The following PRELID2 variants were observed in gnomAD, a reference collection of about 807,000 sequenced individuals.
PRELID2 encodes PRELI domain containing 2.
A neutral mutation model predicts 28.4 loss-of-function variants in PRELID2; 25 were observed. That is an observed-to-expected ratio of 0.88 (90% CI 0.64 to 1.23). PRELID2 has a LOEUF of 1.23. Ranked by LOEUF, PRELID2 falls within the 50% of genes most tolerant of loss-of-function variation. PRELID2 has a pLI of 0.00. For synonymous variants in PRELID2, 76 were observed against 71.6 expected (o/e 1.06, Z -0.31); for missense variants, 201 against 214.4 (o/e 0.94, Z 0.39).
chr5:145,353,972 G>T, the PRELID2 span, among the ~76,000 whole-genome samples: 1 of 152,254 alleles, frequency 6.6e-6, no homozygotes, highest in East Asian at 1.9e-4. Flanking sequence ...TAACATCTGT[G>T]CTTCTTCTCT....
chr5:145,462,644 T>C, the PRELID2 span, among the ~76,000 whole-genome samples: 1 of 152,240 alleles, frequency 6.6e-6, no homozygotes, highest in African/African-American at 2.4e-5. Flanking sequence ...CAGGTTGGCT[T>C]TGGCCATTGG....
intron 1 of PRELID2, among the ~76,000 whole-genome samples, chr5:145,719,045 T>C (rs747489916): frequency 3.3e-5 from 5 of 151,964 alleles, no homozygotes; most frequent in African/African-American, 7.2e-5. Context: ...ATGATGGCCA[T>C]CTAAATCTGA....
At chr5:145,287,274 A>T in the PRELID2 span, among the ~76,000 whole-genome samples, 1 of 152,060 alleles carries the variant, frequency 6.6e-6, no homozygotes, top group Non-Finnish European at 1.5e-5. Flanking sequence ...ACAGTAAGAG[A>T]TTACAATAAT....
At chr5:145,607,935 G>C (rs1002403283) in intron 1 of PRELID2, among the ~76,000 whole-genome samples, 5 of 151,988 alleles carry the variant, frequency 3.3e-5, no homozygotes, top group African/African-American at 1.2e-4. Context: ...CCCTGTATTG[G>C]GTGCATATGT....
the PRELID2 span, among the ~76,000 whole-genome samples, chr5:145,234,067 T>C: frequency 6.6e-6 from 1 of 152,182 alleles, no homozygotes; most frequent in Non-Finnish European, 1.5e-5. Context: ...TATTCTTAAT[T>C]TGTTGTCAGT....
chr5:145,688,720 G>A (rs1755085844), intron 1 of PRELID2, among the ~76,000 whole-genome samples: 1 of 152,208 alleles, frequency 6.6e-6, no homozygotes, highest in Non-Finnish European at 1.5e-5. Context: ...AGAACTTAAG[G>A]AAGACCCATG....
At chr5:145,650,985 G>T (rs1350310780) in intron 1 of PRELID2, among the ~76,000 whole-genome samples, 3 of 152,162 alleles carry the variant, frequency 2.0e-5, no homozygotes, top group African/African-American at 7.2e-5. Flanking sequence ...AAGCACAAAG[G>T]GTCAGGGAAT....
the PRELID2 span, among the ~76,000 whole-genome samples, chr5:145,294,084 G>T: frequency 6.6e-6 from 1 of 152,046 alleles, no homozygotes; most frequent in Non-Finnish European, 1.5e-5. Context: ...TAAAGATTTT[G>T]TCCCAAGAGC....
chr5:145,548,659 T>C (rs749807225), intron 1 of PRELID2, among the ~76,000 whole-genome samples: 9 of 152,124 alleles, frequency 5.9e-5, no homozygotes, highest in Non-Finnish European at 1.3e-4. Context: ...CCTTGTGGTG[T>C]CTACCCAGGC....
At chr5:145,310,853 C>T in the PRELID2 span, among the ~76,000 whole-genome samples, 1 of 151,906 alleles carries the variant, frequency 6.6e-6, no homozygotes, top group Non-Finnish European at 1.5e-5. Flanking sequence ...TTTCTTTCAT[C>T]TCCCTTTTTT....
intron 4 of PRELID2, among the ~76,000 whole-genome samples, chr5:145,807,943 T>A (rs1753631106): frequency 6.6e-6 from 1 of 152,006 alleles, no homozygotes; most frequent in Non-Finnish European, 1.5e-5. Context: ...AACACAAACA[T>A]CAAATGGCAA....
chr5:145,528,167 A>G (rs1201934376), intron 1 of PRELID2, among the ~76,000 whole-genome samples: 1 of 152,130 alleles, frequency 6.6e-6, no homozygotes, highest in African/African-American at 2.4e-5. Context: ...TTAAGCTCAT[A>G]GATAGCTCAA....
At chr5:145,488,426 G>A (rs995445637) in intron 1 of PRELID2, among the ~76,000 whole-genome samples, 11 of 152,196 alleles carry the variant, frequency 7.2e-5, no homozygotes, top group African/African-American at 2.6e-4. Flanking sequence ...TTTTCCCACC[G>A]GCATAAACTA....
intron 1 of PRELID2, among the ~76,000 whole-genome samples, chr5:145,823,992 G>A (rs1755003779): frequency 1.3e-5 from 2 of 151,982 alleles, no homozygotes; most frequent in Non-Finnish European, 2.9e-5. Flanking sequence ...GTGTATCTGG[G>A]GGGTAACATA....
intron 1 of PRELID2, among the ~76,000 whole-genome samples, chr5:145,681,460 C>T (rs1208990966): frequency 6.6e-6 from 1 of 152,164 alleles, no homozygotes; most frequent in African/African-American, 2.4e-5. Flanking sequence ...AAAATGTGCT[C>T]CAGGATAAAT....
the PRELID2 span, among the ~76,000 whole-genome samples, chr5:145,408,650 C>T: frequency 6.6e-6 from 1 of 151,412 alleles, no homozygotes; most frequent in Admixed American, 6.6e-5. Context: ...TTCAAATTAA[C>T]CCAATGAGAA....
the PRELID2 span, among the ~76,000 whole-genome samples, chr5:145,299,644 C>CATGTGT: frequency 9.1e-6 from 1 of 109,308 alleles, no homozygotes; most frequent in African/African-American, 2.8e-5. Context: ...TATGTGTGTG[C>CATGTGT]GTGTGTGTGT....
intron 1 of PRELID2, among the ~76,000 whole-genome samples, chr5:145,681,160 C>G (rs1561542499): frequency 6.6e-6 from 1 of 152,138 alleles, no homozygotes; most frequent in East Asian, 1.9e-4. Flanking sequence ...TATCCAGGGG[C>G]CACTTCCAAA....
chr5:145,497,657 GT>G (rs1752320607), intron 1 of PRELID2, among the ~76,000 whole-genome samples: 1 of 152,124 alleles, frequency 6.6e-6, no homozygotes, highest in Non-Finnish European at 1.5e-5. Context: ...TAGCCATAAA[GT>G]TGCCTGTGCT....
Sources: gnomAD v4.1 joint callset for allele counts (sites outside exome capture counted in the v4.1 genomes callset) on GRCh38, gnomAD v4.1.1 for gene constraint, MANE v1.5 for transcripts, NCBI Gene and HGNC (gene_info 2026-07-23, HGNC 2026-07-21) for gene names.